CSMD1: variants seen among roughly 807,000 people sequenced by gnomAD.
CSMD1 encodes CUB and sushi domain-containing protein 1.
A neutral mutation model predicts 417.5 loss-of-function variants in CSMD1; 213 were observed. The ratio of observed to expected loss-of-function variants is 0.51; its 90% CI spans 0.46 to 0.57. The LOEUF (loss-of-function observed/expected upper bound fraction) is 0.57, where lower values mean the gene tolerates loss of function less well. CSMD1 is among the 20% of genes least tolerant of loss of function. The probability of loss-of-function intolerance (pLI) is 0.00; values close to 1 mark genes in which losing one functional copy is unlikely to be tolerated. For synonymous variants in CSMD1, 2,862 were observed against 1,736.8 expected (o/e 1.65, Z -16.11); for missense variants, 6,923 against 4,529.7 (o/e 1.53, Z -15.17).
At chr8:3,945,965 G>A (rs1585012602) in intron 5 of CSMD1, among the ~76,000 whole-genome samples, 1 of 152,062 alleles carries the variant, frequency 6.6e-6, no homozygotes, top group Admixed American at 6.6e-5. Context: ...TAAATTTATT[G>A]AAAGGTTATG....
At chr8:4,950,038 T>G (rs1188564135) in intron 1 of CSMD1, among the ~76,000 whole-genome samples, 1 of 152,104 alleles carries the variant, frequency 6.6e-6, no homozygotes, top group Non-Finnish European at 1.5e-5. Flanking sequence ...TGATGAATAA[T>G]GGCACAGGGA....
rs74595249 is a variant in CSMD1, at chr8:3,689,272, G to A, written c.1009+19142C>T. ...GAAGTGAATCATGGAACTTGCAGCT[G>A]AGCGTCAGGGGCCTGTGGCTAACAT... On this transcript the variant is annotated intron_variant, in intron 7 of 69. Coordinates refer to ENST00000635120, the MANE Select transcript of CSMD1 (RefSeq NM_033225.6). 9.6e-3 allele frequency among the ~76,000 whole-genome samples: 1,466 copies of A among 152,234 alleles called. 29 individuals carry two copies. Among genetic ancestry groups the A allele is most frequent in the African/African-American group, 0.034 (1,412 of 41,538 alleles).
At chr8:3,735,690 A>C (rs532775595) in intron 6 of CSMD1, among the ~76,000 whole-genome samples, 1 of 152,272 alleles carries the variant, frequency 6.6e-6, no homozygotes, top group Non-Finnish European at 1.5e-5. Flanking sequence ...GAGGCTTGCT[A>C]TCAGGATTAA....
At chr8:3,465,418 A>C (rs1816741457) in intron 12 of CSMD1, among the ~76,000 whole-genome samples, 1 of 152,144 alleles carries the variant, frequency 6.6e-6, no homozygotes, top group Non-Finnish European at 1.5e-5. Flanking sequence ...GGAATGATGG[A>C]GGCCACAGGT....
At chr8:4,890,505 G>C (rs1804044357) in intron 1 of CSMD1, among the ~76,000 whole-genome samples, 1 of 150,618 alleles carries the variant, frequency 6.6e-6, no homozygotes, top group Non-Finnish European at 1.5e-5. Flanking sequence ...TGGGTATCCT[G>C]GGCAGGACAG....
chr8:4,868,342 G>T (rs889031335), intron 1 of CSMD1, among the ~76,000 whole-genome samples: 2 of 151,766 alleles, frequency 1.3e-5, no homozygotes, highest in Non-Finnish European at 2.9e-5. Context: ...CGAGCGATTC[G>T]CCTGCTTCAG....
At chr8:3,981,815 C>T (rs1354049592) in intron 5 of CSMD1, among the ~76,000 whole-genome samples, 1 of 152,160 alleles carries the variant, frequency 6.6e-6, no homozygotes, top group Non-Finnish European at 1.5e-5. Context: ...CAGAGCCTCA[C>T]TTTTCAGTGA....
intron 23 of CSMD1, among the ~76,000 whole-genome samples, chr8:3,312,750 G>A (rs996062918): frequency 6.6e-6 from 1 of 152,188 alleles, no homozygotes; most frequent in South Asian, 2.1e-4. Context: ...TGCCTCCACC[G>A]TTAAACTGTG....
intron 54 of CSMD1, among the ~76,000 whole-genome samples, chr8:2,985,042 A>G (rs1805761511): frequency 1.3e-5 from 2 of 152,218 alleles, no homozygotes; most frequent in South Asian, 4.1e-4. Flanking sequence ...TGAGCTTAAA[A>G]TTTTGGCAGA....
intron 57 of CSMD1, among the ~76,000 whole-genome samples, chr8:2,968,547 T>C (rs987800596): frequency 3.4e-4 from 52 of 152,358 alleles, no homozygotes; most frequent in African/African-American, 1.1e-3. Flanking sequence ...CCCTCAAATA[T>C]TGTACTGTGG....
At chr8:3,307,946 T>G (rs1257739655) in intron 24 of CSMD1, 125 bp from the exon 25 acceptor site, 3 of 1,067,736 alleles carry the variant, frequency 2.8e-6, no homozygotes, top group Non-Finnish European at 4.0e-6. Context: ...ATCACCATCA[T>G]CTCTCTCTCC....
In CSMD1 at chr8:3,346,454, G is replaced by A. The variant is rs190423083; in HGVS notation, c.3474+1538C>T. Among the ~76,000 whole-genome samples the A allele has an allele frequency of 1.7e-3, 252 of 152,280 alleles. 1 individual carries two copies. The highest frequency in any genetic ancestry group is 5.7e-3 in the African/African-American group (235 of 41,564). ...TAACTATTTCTTTTTAGATTAGTAA[G>A]AATGTGCTAGTTTCCTGCCTAAAAA... On this transcript the variant is annotated intron_variant, in intron 22 of 69. Coordinates refer to ENST00000635120, the MANE Select transcript of CSMD1 (RefSeq NM_033225.6).
At chr8:4,435,140 GTAATA>G (rs1209536049) in intron 2 of CSMD1, among the ~76,000 whole-genome samples, 1 of 152,090 alleles carries the variant, frequency 6.6e-6, no homozygotes, top group African/African-American at 2.4e-5. Context: ...TAAAGTATCA[GTAATA>G]TATTATTTTT....
At chr8:3,355,241 A>G (rs1030823493) in intron 21 of CSMD1, among the ~76,000 whole-genome samples, 1 of 152,112 alleles carries the variant, frequency 6.6e-6, no homozygotes. Context: ...GCTTATGCTG[A>G]TGTATACATA....
intron 5 of CSMD1, among the ~76,000 whole-genome samples, chr8:3,762,047 G>C (rs887459891): frequency 1.3e-5 from 2 of 151,950 alleles, no homozygotes; most frequent in Non-Finnish European, 2.9e-5. Context: ...CCCTCCTATA[G>C]TCAATTTTTT....
intron 26 of CSMD1, among the ~76,000 whole-genome samples, chr8:3,281,141 A>G (rs76538392): frequency 6.6e-6 from 1 of 152,126 alleles, no homozygotes; most frequent in Non-Finnish European, 1.5e-5. Flanking sequence ...TATGTCCTTC[A>G]ATAAGAAAAT....
At chr8:3,829,159 T>G (rs1802228834) in intron 5 of CSMD1, among the ~76,000 whole-genome samples, 1 of 152,154 alleles carries the variant, frequency 6.6e-6, no homozygotes, top group African/African-American at 2.4e-5. Context: ...CTCTATTTGT[T>G]GTCTTTTATC....
intron 3 of CSMD1, among the ~76,000 whole-genome samples, chr8:4,114,891 C>G (rs80250179): frequency 1.3e-5 from 2 of 152,152 alleles, no homozygotes; most frequent in African/African-American, 4.8e-5. Context: ...TGAGGAATTG[C>G]TTCTTCCAGA....
chr8:4,174,445 T>C (rs554584654), intron 3 of CSMD1, among the ~76,000 whole-genome samples: 36 of 151,788 alleles, frequency 2.4e-4, no homozygotes, highest in Non-Finnish European at 4.4e-4. Context: ...CTGACAATGG[T>C]TTTTCTATTG....
Sources: gnomAD v4.1 joint callset for allele counts (sites outside exome capture counted in the v4.1 genomes callset) on GRCh38, gnomAD v4.1.1 for gene constraint, MANE v1.5 for transcripts, NCBI Gene and HGNC (gene_info 2026-07-23, HGNC 2026-07-21) for gene names.